KCNMA1: variants seen among roughly 807,000 people sequenced by gnomAD.
The protein encoded by KCNMA1 is potassium calcium-activated channel subfamily M alpha 1, also known as Calcium-activated potassium channel subunit alpha-1.
A neutral mutation model predicts 140.0 loss-of-function variants in KCNMA1; 29 were observed. That is an observed-to-expected ratio of 0.21 (90% CI 0.15 to 0.28). The LOEUF (loss-of-function observed/expected upper bound fraction) is 0.28, where lower values mean the gene tolerates loss of function less well. Ranked by LOEUF, KCNMA1 falls within the 10% of genes least tolerant of loss-of-function variation. KCNMA1 has a pLI of 1.00. For missense variants in KCNMA1, 880 were observed against 1,602.2 expected (o/e 0.55, Z 7.70); for synonymous variants, 612 against 611.9 (o/e 1.00, Z 0.00).
intron 1 of KCNMA1, among the ~76,000 whole-genome samples, chr10:77,573,945 C>G (rs2154561545): frequency 6.6e-6 from 1 of 151,222 alleles, no homozygotes; most frequent in East Asian, 2.0e-4. Context: ...TCAAGTGATT[C>G]TCCCACGTCA....
At chr10:77,048,193 A>G (rs536886602) in intron 14 of KCNMA1, among the ~76,000 whole-genome samples, 175 of 152,288 alleles carry the variant, frequency 1.1e-3, no homozygotes, top group African/African-American at 3.9e-3. Flanking sequence ...AATTTTTATC[A>G]TAGATTCACA....
chr10:77,398,867 C>T (rs535629787), intron 2 of KCNMA1, among the ~76,000 whole-genome samples: 41 of 152,310 alleles, frequency 2.7e-4, no homozygotes, highest in African/African-American at 9.6e-4. Context: ...CTACACCATA[C>T]GTTTCTTGCC....
intron 6 of KCNMA1, among the ~76,000 whole-genome samples, chr10:77,117,539 C>CAAAAAAAAAAAAAA (rs56926398): frequency 3.1e-4 from 7 of 22,510 alleles, no homozygotes; most frequent in Admixed American, 6.4e-4. Flanking sequence ...GAGTCTATCT[C>CAAAAAAAAAAAAAA]AAAAAAAAAA....
chr10:77,624,951 C>A (rs1453381029), intron 1 of KCNMA1, among the ~76,000 whole-genome samples: 2 of 152,068 alleles, frequency 1.3e-5, no homozygotes, highest in Non-Finnish European at 2.9e-5. Flanking sequence ...ACCGAGAAAA[C>A]AAGAACGCCA....
chr10:77,247,974 C>A (rs903107910), intron 3 of KCNMA1, among the ~76,000 whole-genome samples: 33 of 152,162 alleles, frequency 2.2e-4, no homozygotes, highest in African/African-American at 7.5e-4. Flanking sequence ...ACCCTAGGTT[C>A]ATTAAGATCA....
intron 1 of KCNMA1, among the ~76,000 whole-genome samples, chr10:77,434,633 G>A (rs930233338): frequency 1.3e-5 from 2 of 152,194 alleles, no homozygotes; most frequent in Non-Finnish European, 2.9e-5. Context: ...AGGAACAGGT[G>A]CTCCATCAAT....
Position 77,027,899 on chromosome 10 carries a change from G to T in KCNMA1, c.1860-8C>A. 1 of 1,612,586 alleles carries T rather than the reference G, an allele frequency of 6.2e-7. No individual in the cohort carries two copies. Among genetic ancestry groups the T allele is most frequent in the Non-Finnish European group, 8.5e-7 (1 of 1,178,992 alleles). On this transcript the variant is annotated splice_region_variant and splice_polypyrimidine_tract_variant and intron_variant, in intron 15 of 27. Transcript: ENST00000286628. ...AGCTTCACAAAACACAGCCTGCAAT[G>T]AGATGGAGAAGCCTCCCAATCAGTT...
At chr10:77,574,524 A>G (rs1353679354) in intron 1 of KCNMA1, among the ~76,000 whole-genome samples, 1 of 152,210 alleles carries the variant, frequency 6.6e-6, no homozygotes, top group African/African-American at 2.4e-5. Context: ...CTGAAAATCA[A>G]AAAGAAGTCT....
At chr10:77,636,715 T>C in intron 1 of KCNMA1, 1 of 1,514,238 alleles carries the variant, frequency 6.6e-7, no homozygotes, top group South Asian at 1.2e-5. Context: ...CGGGCCATGC[T>C]CCTCCCCCGG....
At chr10:77,331,909 T>A (rs1286228176) in intron 2 of KCNMA1, among the ~76,000 whole-genome samples, 3 of 152,154 alleles carry the variant, frequency 2.0e-5, no homozygotes, top group African/African-American at 7.2e-5. Flanking sequence ...ACATTGGGGA[T>A]TATCTGCTTG....
intron 1 of KCNMA1, among the ~76,000 whole-genome samples, chr10:77,431,208 G>T (rs932043009): frequency 1.3e-5 from 2 of 152,294 alleles, no homozygotes; most frequent in Non-Finnish European, 2.9e-5. Flanking sequence ...TGCAGTGACT[G>T]GTCATTCAGT....
At chr10:77,260,164 G>T (rs183827834) in intron 2 of KCNMA1, among the ~76,000 whole-genome samples, 3 of 152,186 alleles carry the variant, frequency 2.0e-5, no homozygotes, top group African/African-American at 7.2e-5. Flanking sequence ...AGAGGTCGAG[G>T]GTCTGAGACA....
At chr10:77,252,551 G>GTGTGTT (rs1336136835) in intron 2 of KCNMA1, among the ~76,000 whole-genome samples, 1 of 151,740 alleles carries the variant, frequency 6.6e-6, no homozygotes, top group Non-Finnish European at 1.5e-5. Flanking sequence ...GTGTGTGTGT[G>GTGTGTT]TGTGTGCGGG....
At chr10:77,069,825 T>A (rs547295685) in intron 14 of KCNMA1, among the ~76,000 whole-genome samples, 19 of 152,204 alleles carry the variant, frequency 1.2e-4, no homozygotes, top group Admixed American at 6.5e-4. Flanking sequence ...TTTTCTTTCT[T>A]TTTTGGAGAC....
intron 1 of KCNMA1, among the ~76,000 whole-genome samples, chr10:77,580,987 T>C (rs533172902): frequency 2.6e-5 from 4 of 152,376 alleles, no homozygotes; most frequent in African/African-American, 4.8e-5. Context: ...GAGTACAACC[T>C]GTGCCATCAT....
intron 23 of KCNMA1, among the ~76,000 whole-genome samples, chr10:76,931,795 C>A (rs1035776597): frequency 6.6e-6 from 1 of 152,180 alleles, no homozygotes; most frequent in Non-Finnish European, 1.5e-5. Flanking sequence ...TTCCTCAACT[C>A]CTCTGTAGGC....
chr10:77,282,776 A>C (rs754860326), intron 2 of KCNMA1, among the ~76,000 whole-genome samples: 1 of 146,662 alleles, frequency 6.8e-6, no homozygotes, highest in Non-Finnish European at 1.5e-5. Flanking sequence ...AGTCCCAGCT[A>C]CTCACAAGGA....
chr10:77,072,206 G>A (rs542081902), intron 14 of KCNMA1, among the ~76,000 whole-genome samples: 60 of 152,320 alleles, frequency 3.9e-4, no homozygotes, highest in African/African-American at 1.3e-3. Flanking sequence ...CAGATCCAGA[G>A]CTAACTGCCT....
At position 77,430,457 on chromosome 10, in the gene KCNMA1, C is replaced by G. The variant is rs182604267; in HGVS notation, c.379-26434G>C. On this transcript the variant is annotated intron_variant, in intron 1 of 27. Coordinates refer to ENST00000286628, the MANE Select transcript of KCNMA1 (RefSeq NM_001161352.2). ...GCACAGGCCACAGAGTCTACTGTAG[C>G]CTTTATCTCTTTTTCCTGGGCTCAT... Among the ~76,000 whole-genome samples, 338 of 152,252 alleles carry G rather than the reference C, an allele frequency of 2.2e-3. 1 individual carries two copies. The highest frequency in any genetic ancestry group is 0.01 in the Middle Eastern group (3 of 294).
Sources: gnomAD v4.1 joint callset for allele counts (sites outside exome capture counted in the v4.1 genomes callset) on GRCh38, gnomAD v4.1.1 for gene constraint, MANE v1.5 for transcripts, NCBI Gene and HGNC (gene_info 2026-07-23, HGNC 2026-07-21) for gene names.